PLXNA1: variants seen among roughly 807,000 people sequenced by gnomAD.
PLXNA1 encodes plexin-A1.
PLXNA1 carries 77 observed loss-of-function variants against 191.7 expected under a neutral mutation model. The observed-to-expected ratio is 0.40, with a 90% CI of 0.33 to 0.49. The LOEUF is 0.49. Among genes scored for constraint, PLXNA1 ranks in the 20% least tolerant of loss-of-function variants. The pLI is 0.63. For missense variants in PLXNA1, 2,110 were observed against 2,660.2 expected (o/e 0.79, Z 4.55); for synonymous variants, 1,137 against 1,156.4 (o/e 0.98, Z 0.34).
intron 9 of PLXNA1, among the ~76,000 whole-genome samples, chr3:127,008,653 G>A (rs1242470383): frequency 1.3e-5 from 2 of 152,118 alleles, no homozygotes; most frequent in Non-Finnish European, 2.9e-5. Flanking sequence ...CCTTTGCTGT[G>A]GACACTCCGC....
At chr3:126,986,450 G>T (rs2107619201) in intron 1 of PLXNA1, among the ~76,000 whole-genome samples, 1 of 152,354 alleles carries the variant, frequency 6.6e-6, no homozygotes, top group African/African-American at 2.4e-5. Context: ...TGAGCAGTGG[G>T]TGTGTGCTGT....
In PLXNA1 at chr3:127,014,779, G is replaced by A. The variant is rs767091730; in HGVS notation, c.2825G>A (p.Arg942Gln). The change falls in exon 14 of 32, where the codon CGG (arginine) becomes CAG (glutamine). Residue 942 changes from arginine to glutamine, a missense_variant. Coordinates refer to ENST00000393409, the MANE Select transcript of PLXNA1 (RefSeq NM_032242.4). ...AHDALVEVCVRDCSPHYRALS... is the reference protein window; with the variant it reads ...AHDALVEVCVQDCSPHYRALS... ...GACGCCCTGGTGGAGGTGTGTGTGC[G>A]GGACTGCTCACCACACTACCGCGCC... 18 of 1,612,740 alleles carry A rather than the reference G, an allele frequency of 1.1e-5. No individual in the cohort carries two copies. In the East Asian group the frequency reaches 2.7e-4, roughly 24 times the overall value.
At chr3:127,006,261 G>C in intron 8 of PLXNA1, 83 bp downstream of exon 8, 3 of 1,067,130 alleles carry the variant, frequency 2.8e-6, no homozygotes, top group African/African-American at 3.1e-5. Flanking sequence ...TGTGCTTGCT[G>C]TCTGCAGACC....
chr3:126,986,133 G>A (rs2078958136), intron 1 of PLXNA1, among the ~76,000 whole-genome samples: 1 of 152,368 alleles, frequency 6.6e-6, no homozygotes, highest in South Asian at 2.1e-4. Context: ...GAGGAGGGGA[G>A]AGCCCAGCCC....
In PLXNA1 at chr3:127,020,343, A is replaced by T; in HGVS notation, c.4037A>T (p.Glu1346Val). The change falls in exon 21 of 32, where the codon GAG becomes GTG. Residue 1346 changes from glutamate (E) to valine (V), a missense_variant and splice_region_variant. Physicochemically the swap from Glu to Val is moderately radical, Grantham distance 121 (BLOSUM62 -2). Coordinates refer to ENST00000393409, the MANE Select transcript of PLXNA1 (RefSeq NM_032242.4). ...GACCACCCTGTGCTCAAGGAGATGGAGGTAGGACCACTGGCTCCGGGGGGT... is the reference window on the plus strand; with the variant it reads ...GACCACCCTGTGCTCAAGGAGATGGTGGTAGGACCACTGGCTCCGGGGGGT... ...IEDHPVLKEM[E>V]VQANVEKSLT... The T allele has an allele frequency of 6.2e-7, 1 of 1,612,240 alleles. No individual in the cohort carries two copies. The highest frequency in any genetic ancestry group is 8.5e-7 in the Non-Finnish European group (1 of 1,179,616).
chr3:126,984,746 A>G (rs578104503), intron 1 of PLXNA1, among the ~76,000 whole-genome samples: 2 of 152,328 alleles, frequency 1.3e-5, no homozygotes, highest in South Asian at 2.1e-4. Context: ...TGGACAAAGC[A>G]GACAGCCCTT....
Position 127,018,349 on chromosome 3 carries a change from G to A in PLXNA1, c.3716G>A (p.Ser1239Asn). The A allele has an allele frequency of 2.5e-6, 4 of 1,612,880 alleles. No individual in the cohort carries two copies. In the South Asian group the frequency reaches 4.4e-5, roughly 18 times the overall value. ...GGGACACTGCAGGTGTACTCGGACAGCCTGCTGACGCTGCCTGCCATTGTG... is the reference window on the plus strand; with the variant it reads ...GGGACACTGCAGGTGTACTCGGACAACCTGCTGACGCTGCCTGCCATTGTG... ...SPGTLQVYSD[S>N]LLTLPAIVGI... The change falls in exon 20 of 32, where the codon AGC becomes AAC. Residue 1239 changes from serine (S) to asparagine (N), a missense_variant. By Grantham distance (46) the Ser-to-Asn change is conservative. Transcript: ENST00000393409.
At chr3:127,031,588 G>A (rs1214959808) in intron 29 of PLXNA1, among the ~76,000 whole-genome samples, 2 of 152,098 alleles carry the variant, frequency 1.3e-5, no homozygotes, top group Non-Finnish European at 1.5e-5. Flanking sequence ...AGCCACCCCC[G>A]ACTTGGTCTT....
chr3:127,001,564 G>T (rs958226483), intron 3 of PLXNA1, among the ~76,000 whole-genome samples: 2 of 152,198 alleles, frequency 1.3e-5, no homozygotes, highest in Non-Finnish European at 2.9e-5. Flanking sequence ...AGGAATCGTG[G>T]TCCCTAACCG....
Position 127,018,505 on chromosome 3 carries a change from G to C in PLXNA1, c.3872G>C (p.Arg1291Pro). The C allele has an allele frequency of 6.2e-7, 1 of 1,610,696 alleles. No individual in the cohort carries two copies. Among genetic ancestry groups the C allele is most frequent in the Non-Finnish European group, 8.5e-7 (1 of 1,178,154 alleles). ...LQLQMDNLES[R>P]VALECKEAFA... ...CTCCAGATGGACAACCTGGAGTCCCGCGTGGCCCTCGAATGCAAGGAAGGT... is the reference window on the plus strand; with the variant it reads ...CTCCAGATGGACAACCTGGAGTCCCCCGTGGCCCTCGAATGCAAGGAAGGT... Residue 1291 changes from arginine (R) to proline (P), a missense_variant, in exon 20 of 32, where the codon CGC (arginine) becomes CCC (proline). Physicochemically the swap from Arg to Pro is moderately radical, Grantham distance 103 (BLOSUM62 -2). This residue lies in a region of PLXNA1 where 559 missense variants were observed against 911.5 expected (regional missense o/e 0.61). Transcript: ENST00000393409.
rs565253921 is a variant in PLXNA1, at chr3:126,985,389, G to C, written c.-74+2102G>C. 3.3e-5 allele frequency among the ~76,000 whole-genome samples: 5 copies of C among 152,052 alleles called. No individual in the cohort carries two copies. In the South Asian group the frequency reaches 1.0e-3, roughly 32 times the overall value. On this transcript the variant is annotated intron_variant, in intron 1 of 31. Coordinates refer to ENST00000393409, the MANE Select transcript of PLXNA1 (RefSeq NM_032242.4). ...CCTCCCCTGCCCTGGCTCTGGCTCT[G>C]CCTCAGCCTAGAACAGCTCTGGCCA...
rs759844027 is a variant in PLXNA1 at position 127,014,794 on chromosome 3, A to G, written c.2840A>G (p.His947Arg). 6.2e-7 allele frequency: 1 copy of G among 1,612,316 alleles called. No homozygotes were observed. Among genetic ancestry groups the G allele is most frequent in the East Asian group, 2.2e-5 (1 of 44,860 alleles). The change falls in exon 14 of 32, where the codon CAC (histidine) becomes CGC (arginine). Residue 947 changes from histidine (H) to arginine (R), a missense_variant. Transcript: ENST00000393409. ...VEVCVRDCSPHYRALSPKRFT... is the reference protein window; with the variant it reads ...VEVCVRDCSPRYRALSPKRFT... Reference sequence around the variant, plus strand: ...GTGTGTGTGCGGGACTGCTCACCACACTACCGCGCCCTGTCACCCAAGCGC... The same window carrying G: ...GTGTGTGTGCGGGACTGCTCACCACGCTACCGCGCCCTGTCACCCAAGCGC...
intron 4 of PLXNA1, among the ~76,000 whole-genome samples, chr3:127,004,255 T>C (rs962153272): frequency 2.6e-5 from 4 of 152,204 alleles, no homozygotes; most frequent in African/African-American, 7.2e-5. Flanking sequence ...TGGGCCTGCA[T>C]TGGAGCTTAG....
In PLXNA1 at chr3:127,017,808, C is replaced by T. The variant is rs567657824; in HGVS notation, c.3576C>T (p.Ile1192=). Residue 1192 remains isoleucine (I), a synonymous_variant, in exon 19 of 32, where the codon ATC becomes ATT. Transcript: ENST00000393409. ...GNSRLNYTVL[I]GSTPCTLTVS... is the part of the protein sequence containing the mutation. ...CCCGACTCAACTACACGGTGCTCAT[C>T]GGCTCCACACCCTGTACCCTCACCG... is the stretch of plus-strand genomic sequence containing the variant. The T allele has an allele frequency of 8.7e-6, 14 of 1,613,164 alleles. No homozygotes were observed. Among genetic ancestry groups the T allele is most frequent in the African/African-American group, 4.0e-5 (3 of 75,040 alleles).
intron 28 of PLXNA1, 24 bp downstream of exon 28, chr3:127,030,088 G>A (rs1336951264): frequency 5.6e-6 from 9 of 1,607,094 alleles, no homozygotes; most frequent in Non-Finnish European, 7.7e-6. Flanking sequence ...GCAGATGGGG[G>A]CAGGGGACGC....
At chr3:127,022,653 G>A (rs2107635486) in intron 22 of PLXNA1, 99 bp from the exon 23 acceptor site, 2 of 1,115,312 alleles carry the variant, frequency 1.8e-6, no homozygotes, top group East Asian at 4.7e-5. Context: ...TAGGAAGGGG[G>A]GCAGGGTGGG....
rs778771221 is a variant in PLXNA1 at position 127,015,206 on chromosome 3, G to A, written c.2900G>A (p.Ser967Asn). 2 of 1,613,180 alleles carry A rather than the reference G, an allele frequency of 1.2e-6. No homozygotes were observed. The highest frequency in any genetic ancestry group is 8.5e-7 in the Non-Finnish European group (1 of 1,179,690). ...CAGACACCAACCTTCTACCGTGTGA[G>A]CCCCTCCCGTGGGCCTCTGTCAGGG... ...TFVTPTFYRV[S>N]PSRGPLSGGT... Residue 967 changes from serine to asparagine, a missense_variant, in exon 15 of 32, where the codon AGC (serine) becomes AAC (asparagine). Coordinates refer to ENST00000393409, the MANE Select transcript of PLXNA1 (RefSeq NM_032242.4).
At chr3:127,013,190 T>C (rs988755440) in intron 10 of PLXNA1, among the ~76,000 whole-genome samples, 4 of 152,214 alleles carry the variant, frequency 2.6e-5, no homozygotes, top group African/African-American at 9.6e-5. Flanking sequence ...ATCCAGTCTT[T>C]CCAGACATTT....
intron 17 of PLXNA1, 101 bp downstream of exon 17, chr3:127,017,138 C>CCCCTTCCCA: frequency 8.6e-7 from 1 of 1,157,894 alleles, no homozygotes; most frequent in African/African-American, 1.5e-5. Flanking sequence ...CCTACCCCTG[C>CCCCTTCCCA]CCCTTCCCAG....
Sources: gnomAD v4.1 joint callset for allele counts (sites outside exome capture counted in the v4.1 genomes callset) on GRCh38, gnomAD v4.1.1 for gene constraint, gnomAD v4.1.1 regional missense constraint, MANE v1.5 for transcripts, NCBI Gene and HGNC (gene_info 2026-07-23, HGNC 2026-07-21) for gene names.